The following SYCP1 variants were observed in gnomAD, a reference collection of about 807,000 sequenced individuals.
The protein encoded by SYCP1 is synaptonemal complex protein 1.
A neutral mutation model predicts 153.1 loss-of-function variants in SYCP1; 64 were observed. The observed-to-expected ratio is 0.42, with a 90% CI of 0.34 to 0.51. The LOEUF is 0.51. Among genes scored for constraint, SYCP1 ranks in the 20% least tolerant of loss-of-function variants. The pLI is 0.06. For missense variants in SYCP1, 997 were observed against 1,049.0 expected (o/e 0.95, Z 0.68); for synonymous variants, 384 against 341.8 (o/e 1.12, Z -1.36).
At chr1:114,867,525 T>C (rs1338361495) in intron 8 of SYCP1, among the ~76,000 whole-genome samples, 1 of 152,186 alleles carries the variant, frequency 6.6e-6, no homozygotes, top group Non-Finnish European at 1.5e-5. Flanking sequence ...ATGTAAATGG[T>C]ATTGTGTTTT....
intron 20 of SYCP1, among the ~76,000 whole-genome samples, chr1:114,923,098 A>G (rs938230596): frequency 1.5e-4 from 23 of 152,170 alleles, no homozygotes; most frequent in Non-Finnish European, 2.5e-4. Flanking sequence ...TTGTATTTTG[A>G]TATTTAGTTT....
In SYCP1 at chr1:114,860,207, T is replaced by C. The variant is rs552174667; in HGVS notation, c.524+397T>C. Among the ~76,000 whole-genome samples, 7 of 152,302 alleles carry C rather than the reference T, an allele frequency of 4.6e-5. No homozygotes were observed. The East Asian group carries it at 1.3e-3, about 29-fold the overall frequency. On this transcript the variant is annotated intron_variant, in intron 7 of 31. Coordinates refer to ENST00000369522, the MANE Select transcript of SYCP1 (RefSeq NM_003176.4). ...TCCTGTTTTTGAAAATGTAACAGTTTATTTCTACAGAAAAATGGTAAGTTA... is the reference window on the plus strand; with the variant it reads ...TCCTGTTTTTGAAAATGTAACAGTTCATTTCTACAGAAAAATGGTAAGTTA...
chr1:114,857,156 A>AAAAAAAAAAAAAAAAAAAAAAAAAG (rs774041717), intron 3 of SYCP1, 76 bp from the exon 4 acceptor site: 5 of 921,436 alleles, frequency 5.4e-6, no homozygotes, highest in Non-Finnish European at 7.7e-6. Context: ...AAAAAAAAAA[A>AAAAAAAAAAAAAAAAAAAAAAAAAG]AGAGAAAAAA....
chr1:114,863,319 C>T (rs894880861), intron 8 of SYCP1, among the ~76,000 whole-genome samples: 6 of 151,982 alleles, frequency 3.9e-5, no homozygotes, highest in Admixed American at 6.6e-5. Flanking sequence ...TTTGGGAGGC[C>T]GAAGCAGGCA....
intron 14 of SYCP1, 61 bp downstream of exon 14, chr1:114,886,370 A>T: frequency 2.2e-6 from 3 of 1,350,032 alleles, no homozygotes; most frequent in East Asian, 2.8e-5. Flanking sequence ...TACTTTTAAT[A>T]TTCAATGCCA....
rs1481265181 is a variant in SYCP1, at chr1:114,936,916, C to T, written c.1927-7423C>T. ...AAAGAGGACACAGCAAATGGAAGAA[C>T]ATTCCATGCTCATGGATAGGAAGAA... On this transcript the variant is annotated intron_variant, in intron 23 of 31. Coordinates refer to ENST00000369522, the MANE Select transcript of SYCP1 (RefSeq NM_003176.4). 2.0e-5 allele frequency among the ~76,000 whole-genome samples: 3 copies of T among 152,286 alleles called. No individual in the cohort carries two copies. The East Asian group carries it at 5.8e-4, about 29-fold the overall frequency.
intron 17 of SYCP1, 48 bp downstream of exon 17, chr1:114,910,549 A>T (rs1668110681): frequency 2.5e-6 from 3 of 1,211,988 alleles, no homozygotes; most frequent in Admixed American, 2.6e-5. Context: ...TTAATAGAAC[A>T]TAGATTTATG....
At chr1:114,974,269 A>G (rs934091657) in intron 27 of SYCP1, among the ~76,000 whole-genome samples, 1 of 151,894 alleles carries the variant, frequency 6.6e-6, no homozygotes, top group African/African-American at 2.4e-5. Context: ...ATGTTAGATA[A>G]TGCTGGCCAA....
chr1:114,856,477 T>A (rs1023689594), intron 2 of SYCP1, 96 bp from the exon 3 acceptor site: 2 of 752,218 alleles, frequency 2.7e-6, no homozygotes, highest in Non-Finnish European at 2.0e-6. Flanking sequence ...ATAGTAACCT[T>A]TTTAAGCAGA....
chr1:114,968,621 A>T (rs1420775788), intron 27 of SYCP1, among the ~76,000 whole-genome samples: 1 of 152,176 alleles, frequency 6.6e-6, no homozygotes, highest in Non-Finnish European at 1.5e-5. Context: ...GGGTTAGAAC[A>T]TGCTTTTTTA....
At chr1:114,923,340 C>T in intron 20 of SYCP1, 109 bp from the exon 21 acceptor site, 1 of 1,256,594 alleles carries the variant, frequency 8.0e-7, no homozygotes, top group African/African-American at 1.6e-5. Context: ...TGGTTTTTTA[C>T]ATTTGGTTAA....
chr1:114,862,021 G>A (rs899742092), intron 8 of SYCP1, among the ~76,000 whole-genome samples: 3 of 151,480 alleles, frequency 2.0e-5, no homozygotes, highest in Non-Finnish European at 4.4e-5. Flanking sequence ...GGCTGGTCTC[G>A]ACCTCCTGAC....
chr1:114,947,346 A>T, intron 27 of SYCP1, 26 bp downstream of exon 27: 1 of 1,573,338 alleles, frequency 6.4e-7, no homozygotes. Context: ...TTATAGATAA[A>T]ATGATTACAA....
intron 17 of SYCP1, 117 bp downstream of exon 17, chr1:114,910,618 A>G (rs1668113034): frequency 1.7e-6 from 1 of 584,994 alleles, no homozygotes; most frequent in Non-Finnish European, 2.8e-6. Flanking sequence ...CTTTCCAAGC[A>G]TTTATTATTA....
At chr1:114,856,764 C>A in intron 3 of SYCP1, 107 bp downstream of exon 3, 1 of 814,258 alleles carries the variant, frequency 1.2e-6, no homozygotes, top group Non-Finnish European at 1.9e-6. Flanking sequence ...ATAATTGACA[C>A]AAAAGCTAGA....
chr1:114,919,023 C>T (rs1668688016), intron 20 of SYCP1, among the ~76,000 whole-genome samples: 1 of 151,994 alleles, frequency 6.6e-6, no homozygotes. Context: ...ATTCCTGTAG[C>T]TAAGACCTCC....
chr1:114,971,896 T>A (rs1392594277), intron 27 of SYCP1, among the ~76,000 whole-genome samples: 1 of 152,112 alleles, frequency 6.6e-6, no homozygotes, highest in Non-Finnish European at 1.5e-5. Flanking sequence ...TGTGTCTTTG[T>A]GTCTGGTTTT....
chr1:114,965,592 C>CT (rs1370056434), intron 27 of SYCP1, among the ~76,000 whole-genome samples: 1 of 152,120 alleles, frequency 6.6e-6, no homozygotes, highest in Non-Finnish European at 1.5e-5. Flanking sequence ...TATCGAAGGC[C>CT]TTTTCTGCAT....
rs1433816399 is a variant in SYCP1, at chr1:114,878,299, T to C, written c.910+97T>C. 1.7e-5 allele frequency: 14 copies of C among 815,068 alleles called. No homozygotes were observed. The East Asian group carries it at 3.9e-4, about 23-fold the overall frequency. 50.5% of individuals were successfully genotyped at this position (815,068 alleles called of 1,614,324 possible). ...ATTACAAGTTTGTTGTAATGCTTTCTAGTACTGTACTTCTCAATCTGAGTT... is the reference window on the plus strand; with the variant it reads ...ATTACAAGTTTGTTGTAATGCTTTCCAGTACTGTACTTCTCAATCTGAGTT... On this transcript the variant is annotated intron_variant, in intron 12 of 31. Coordinates refer to ENST00000369522, the MANE Select transcript of SYCP1 (RefSeq NM_003176.4).
Sources: gnomAD v4.1 joint callset for allele counts (sites outside exome capture counted in the v4.1 genomes callset) on GRCh38, gnomAD v4.1.1 for gene constraint, MANE v1.5 for transcripts, NCBI Gene and HGNC (gene_info 2026-07-23, HGNC 2026-07-21) for gene names.